URGCP: variants seen among roughly 807,000 people sequenced by gnomAD.
The protein encoded by URGCP is upregulator of cell proliferation.
Under a neutral mutation model 24.6 loss-of-function variants are expected in URGCP, and 13 were observed. That is an observed-to-expected ratio of 0.53 (90% CI 0.34 to 0.84). URGCP has a LOEUF of 0.84. URGCP is among the 40% of genes least tolerant of loss of function. The pLI is 0.01. For missense variants in URGCP, 899 were observed against 1,194.3 expected (o/e 0.75, Z 3.64); for synonymous variants, 444 against 487.2 (o/e 0.91, Z 1.17).
At chr7:43,892,643 A>T (rs1448530553) in intron 1 of URGCP, among the ~76,000 whole-genome samples, 1 of 152,154 alleles carries the variant, frequency 6.6e-6, no homozygotes, top group Non-Finnish European at 1.5e-5. Flanking sequence ...AATCACATAT[A>T]ATTTTTTAGA....
upstream of URGCP, chr7:43,906,692 G>T: frequency 9.5e-7 from 1 of 1,055,560 alleles, no homozygotes; most frequent in East Asian, 5.5e-5. Context: ...CGCTCCAGGG[G>T]TGGAGGTGGG....
At chr7:43,919,863 T>C (rs756688772) in intron 1 of URGCP, 46 of 1,294,618 alleles carry the variant, frequency 3.6e-5, no homozygotes, top group Admixed American at 1.0e-4. Context: ...CTCACTCTTC[T>C]AGAGAACCTG....
intron 1 of URGCP, chr7:43,919,565 G>A: frequency 7.1e-7 from 1 of 1,415,470 alleles, no homozygotes; most frequent in East Asian, 2.3e-5. Flanking sequence ...GGAAGACCAT[G>A]GTCCTGGATG....
At chr7:43,918,648 C>T (rs1437462258) in intron 1 of URGCP, 8 of 602,328 alleles carry the variant, frequency 1.3e-5, no homozygotes, top group East Asian at 2.8e-5. Flanking sequence ...GGCTGGCACG[C>T]GGCAGCGTTG....
intron 1 of URGCP, among the ~76,000 whole-genome samples, chr7:43,917,168 T>C (rs1431626479): frequency 3.9e-5 from 6 of 152,196 alleles, no homozygotes; most frequent in African/African-American, 1.4e-4. Context: ...TTTTTGTTTT[T>C]TGTTTTAACC....
At chr7:43,892,268 G>C (rs1051133824) in intron 1 of URGCP, among the ~76,000 whole-genome samples, 13 of 139,198 alleles carry the variant, frequency 9.3e-5, no homozygotes, top group African/African-American at 3.6e-4. Context: ...CTGTTGCCTA[G>C]GCTGGAGTGC....
chr7:43,918,251 G>A (rs1394646627), intron 1 of URGCP, among the ~76,000 whole-genome samples: 2 of 141,378 alleles, frequency 1.4e-5, no homozygotes, highest in African/African-American at 2.7e-5. Flanking sequence ...TCCAGCCTGG[G>A]CAATAGACCT....
Position 43,879,372 on chromosome 7 carries a change from A to G in URGCP, c.203-112T>C. On this transcript the variant is annotated intron_variant, in intron 5 of 5. Coordinates refer to ENST00000453200, the MANE Select transcript of URGCP (RefSeq NM_001077663.3). The stretch of plus-strand genomic sequence containing the variant: ...GATGGGGAGAGTGACGACCCCCTTC[A>G]GAGAGCAGAGTGCAGGCACAGGAGG... 7 of 1,274,846 alleles carry G rather than the reference A, an allele frequency of 5.5e-6. No individual in the cohort carries two copies. In the South Asian group the frequency reaches 8.9e-5, roughly 16 times the overall value. 79.0% of individuals were successfully genotyped at this position (1,274,846 alleles called of 1,614,324 possible). A position where few individuals can be genotyped will look rare whatever the true frequency, so the allele number is the denominator to read the frequency against.
At chr7:43,895,330 T>C (rs1009926105) in intron 1 of URGCP, among the ~76,000 whole-genome samples, 1 of 150,492 alleles carries the variant, frequency 6.6e-6, no homozygotes, top group Admixed American at 6.7e-5. Flanking sequence ...ATCAAGGAAA[T>C]GCAAATCAAA....
upstream of URGCP, chr7:43,926,487 CAG>C: frequency 6.9e-7 from 1 of 1,459,682 alleles, no homozygotes; most frequent in Non-Finnish European, 9.1e-7. Context: ...CGGGCCGCCT[CAG>C]GCAGCCCCGG....
chr7:43,916,742 C>T (rs2095916055), intron 1 of URGCP, among the ~76,000 whole-genome samples: 1 of 102,826 alleles, frequency 9.7e-6, no homozygotes, highest in Admixed American at 1.5e-4. Flanking sequence ...TGGGTGAAAG[C>T]CACTTTGACA....
chr7:43,877,822 C>T lies in URGCP; in HGVS notation c.1641G>A (p.Gly547=), dbSNP rs1381084203. The change falls in exon 6 of 6, where the codon GGG becomes GGA. Residue 547 remains glycine, a synonymous_variant. Transcript: ENST00000453200. The stretch of plus-strand genomic sequence containing the variant: ...TGATCCCCGAGATGAACTCCTGCAC[C>T]CCCGAGGAGGGATCATGGCCGTTCT... The part of the protein sequence containing the change: ...MQQNGHDPSS[G]VQEFISGISS... The T allele has an allele frequency of 1.2e-5, 19 of 1,606,952 alleles. No homozygotes were observed. Among genetic ancestry groups the T allele is most frequent in the African/African-American group, 2.7e-5 (2 of 74,790 alleles).
chr7:43,910,074 G>A (rs2095908356), upstream of URGCP, among the ~76,000 whole-genome samples: 1 of 151,364 alleles, frequency 6.6e-6, no homozygotes, highest in Non-Finnish European at 1.5e-5. Flanking sequence ...TGTTACAAGA[G>A]ACATATAAGA....
chr7:43,896,898 AGATTTATCCACATATTTATTGTTCTCTTG>A (rs1468857209), intron 1 of URGCP, among the ~76,000 whole-genome samples: 2 of 152,304 alleles, frequency 1.3e-5, no homozygotes, highest in Admixed American at 1.3e-4. Context: ...TATTTATTGT[AGATTTATCCACATATTTATTGTTCTCTTG>A]GATTTATCCA....
intron 1 of URGCP, chr7:43,906,329 G>C (rs2095902482): frequency 4.8e-6 from 1 of 209,184 alleles, no homozygotes; most frequent in Non-Finnish European, 8.3e-6. Context: ...CCGCATCCCG[G>C]GGGACCGCTG....
At chr7:43,881,872 C>T (rs1248264340) in intron 4 of URGCP, 35 bp downstream of exon 4, 3 of 1,611,458 alleles carry the variant, frequency 1.9e-6, no homozygotes, top group African/African-American at 1.3e-5. Flanking sequence ...CCCCTCTCCC[C>T]AGTCCAATCT....
At chr7:43,903,672 T>C (rs1218976348) in intron 1 of URGCP, among the ~76,000 whole-genome samples, 2 of 152,016 alleles carry the variant, frequency 1.3e-5, no homozygotes, top group African/African-American at 4.8e-5. Flanking sequence ...CCTTTGAAAA[T>C]CTGTTGAAAG....
intron 3 of URGCP, among the ~76,000 whole-genome samples, chr7:43,886,481 G>A (rs549477152): frequency 1.2e-4 from 19 of 152,226 alleles, no homozygotes; most frequent in Admixed American, 1.2e-3. Context: ...GGCTGGGCAC[G>A]GTGGCTCACG....
chr7:43,877,659 C>G lies in URGCP; in HGVS notation c.1804G>C (p.Val602Leu), dbSNP rs370409369. The G allele has an allele frequency of 9.9e-6, 16 of 1,614,004 alleles. No individual in the cohort carries two copies. Among genetic ancestry groups the G allele is most frequent in the Non-Finnish European group, 1.3e-5 (15 of 1,180,044 alleles). Residue 602 changes from valine (V) to leucine (L), a missense_variant, in exon 6 of 6, where the codon GTG becomes CTG. By Grantham distance (32) the Val-to-Leu change is conservative (BLOSUM62 1). Coordinates refer to ENST00000453200, the MANE Select transcript of URGCP (RefSeq NM_001077663.3). ...LRPKHGGTTD[V>L]GEPLWPEPLG... ...GGCTCAGGCCAGAGCGGCTCCCCCA[C>G]GTCTGTGGTGCCCCCATGCTTTGGT...
Sources: gnomAD v4.1 joint callset for allele counts (sites outside exome capture counted in the v4.1 genomes callset) on GRCh38, gnomAD v4.1.1 for gene constraint, MANE v1.5 for transcripts, NCBI Gene and HGNC (gene_info 2026-07-23, HGNC 2026-07-21) for gene names.